ASIC2: variants seen among roughly 807,000 people sequenced by gnomAD.
The protein encoded by ASIC2 is acid sensing ion channel subunit 2.
A neutral mutation model predicts 57.3 loss-of-function variants in ASIC2; 25 were observed. The ratio of observed to expected loss-of-function variants is 0.44; its 90% CI spans 0.32 to 0.61. ASIC2 has a LOEUF of 0.61. Ranked by LOEUF, ASIC2 falls within the 20% of genes least tolerant of loss-of-function variation. The probability of loss-of-function intolerance (pLI) is 0.06; values close to 1 mark genes in which losing one functional copy is unlikely to be tolerated. For synonymous variants in ASIC2, 319 were observed against 307.5 expected (o/e 1.04, Z -0.39); for missense variants, 641 against 738.1 (o/e 0.87, Z 1.52).
intron 1 of ASIC2, among the ~76,000 whole-genome samples, chr17:33,875,749 A>C (rs1416063901): frequency 2.0e-5 from 3 of 152,054 alleles, no homozygotes; most frequent in Non-Finnish European, 4.4e-5. Context: ...CATTTCACTC[A>C]AGCCAAAGTG....
At chr17:33,643,575 G>A (rs1377657432) in intron 1 of ASIC2, among the ~76,000 whole-genome samples, 1 of 152,218 alleles carries the variant, frequency 6.6e-6, no homozygotes, top group Admixed American at 6.5e-5. Flanking sequence ...GGGCCAGGAG[G>A]TGGAATAGAT....
At chr17:33,161,857 G>GTTTTTTT (rs199823485) in intron 1 of ASIC2, among the ~76,000 whole-genome samples, 8 of 94,200 alleles carry the variant, frequency 8.5e-5, no homozygotes, top group Admixed American at 1.4e-4. Flanking sequence ...GAATTCCTAG[G>GTTTTTTT]TTTTTTTTTT....
At chr17:33,345,444 C>A (rs986986077) in intron 1 of ASIC2, among the ~76,000 whole-genome samples, 2 of 152,146 alleles carry the variant, frequency 1.3e-5, no homozygotes, top group Admixed American at 6.5e-5. Context: ...GGGGCCTATG[C>A]CTCTTCTTGG....
intron 1 of ASIC2, among the ~76,000 whole-genome samples, chr17:33,650,999 A>G (rs962244571): frequency 2.6e-5 from 4 of 152,242 alleles, no homozygotes; most frequent in African/African-American, 7.2e-5. Flanking sequence ...AAAGGCATAC[A>G]GGATCTCTCT....
intron 1 of ASIC2, among the ~76,000 whole-genome samples, chr17:33,677,444 A>G (rs1907860957): frequency 6.6e-6 from 1 of 152,370 alleles, no homozygotes; most frequent in African/African-American, 2.4e-5. Context: ...TATATTTTAT[A>G]AAGCTATAGC....
At chr17:33,677,745 G>A (rs1345541572) in intron 1 of ASIC2, among the ~76,000 whole-genome samples, 2 of 152,206 alleles carry the variant, frequency 1.3e-5, no homozygotes, top group Admixed American at 1.3e-4. Flanking sequence ...GAAAAAACTG[G>A]AACAGATGAA....
At chr17:34,072,856 T>C (rs1049438093) in intron 1 of ASIC2, among the ~76,000 whole-genome samples, 4 of 152,206 alleles carry the variant, frequency 2.6e-5, no homozygotes, top group Non-Finnish European at 5.9e-5. Context: ...GACGTTTAGG[T>C]TTCTTCCCAC....
chr17:33,698,639 A>G (rs1908603314), intron 1 of ASIC2, among the ~76,000 whole-genome samples: 2 of 152,174 alleles, frequency 1.3e-5, no homozygotes, highest in South Asian at 4.1e-4. Flanking sequence ...GTGAATAAGT[A>G]CTTGCCAGCC....
chr17:33,724,642 A>G (rs897231115), intron 1 of ASIC2, among the ~76,000 whole-genome samples: 4 of 152,220 alleles, frequency 2.6e-5, no homozygotes, highest in African/African-American at 9.6e-5. Context: ...GGCAGAATGC[A>G]GCAGCCAATT....
intron 1 of ASIC2, among the ~76,000 whole-genome samples, chr17:33,263,379 T>G (rs1597656426): frequency 6.6e-6 from 1 of 152,056 alleles, no homozygotes; most frequent in Middle Eastern, 3.5e-3. Flanking sequence ...GGGTTTTTTA[T>G]GTTTTGATTA....
chr17:33,565,130 C>T (rs1367505885), intron 1 of ASIC2, among the ~76,000 whole-genome samples: 4 of 152,132 alleles, frequency 2.6e-5, no homozygotes, highest in Admixed American at 1.3e-4. Context: ...AGGGTCTCCC[C>T]GACTGAGTTG....
At chr17:33,526,277 G>A (rs1914882871) in intron 1 of ASIC2, among the ~76,000 whole-genome samples, 1 of 152,130 alleles carries the variant, frequency 6.6e-6, no homozygotes, top group Non-Finnish European at 1.5e-5. Flanking sequence ...TTCTTGCAGG[G>A]CAGCAGAGGA....
chr17:33,731,142 A>G (rs1273370463), intron 1 of ASIC2, among the ~76,000 whole-genome samples: 1 of 152,222 alleles, frequency 6.6e-6, no homozygotes, highest in Non-Finnish European at 1.5e-5. Flanking sequence ...CCCTGTTTAT[A>G]TTCTCACACC....
At chr17:33,326,607 C>T (rs1167654430) in intron 1 of ASIC2, among the ~76,000 whole-genome samples, 1 of 152,236 alleles carries the variant, frequency 6.6e-6, no homozygotes, top group Non-Finnish European at 1.5e-5. Flanking sequence ...TGAATATACA[C>T]TTCTCAACCC....
At chr17:33,082,365 A>C (rs2092116272) in intron 3 of ASIC2, among the ~76,000 whole-genome samples, 1 of 152,158 alleles carries the variant, frequency 6.6e-6, no homozygotes, top group African/African-American at 2.4e-5. Context: ...GGCTCTTTGA[A>C]GAGAGGGTGG....
chr17:33,838,048 T>A (rs914778986), intron 1 of ASIC2, among the ~76,000 whole-genome samples: 1 of 152,186 alleles, frequency 6.6e-6, no homozygotes, highest in African/African-American at 2.4e-5. Flanking sequence ...AGCATATATG[T>A]CCTTTGCTCC....
At chr17:33,834,361 G>T (rs1913207067) in intron 1 of ASIC2, 1 of 152,202 alleles carries the variant, frequency 6.6e-6, no homozygotes, top group African/African-American at 2.4e-5. Context: ...TCCAGGCAAG[G>T]TCCTTTTTTA....
chr17:34,060,855 AAT>A (rs1314756097), intron 1 of ASIC2, among the ~76,000 whole-genome samples: 1 of 152,114 alleles, frequency 6.6e-6, no homozygotes, highest in Non-Finnish European at 1.5e-5. Flanking sequence ...GATTATGTTA[AAT>A]GACCAAACCT....
intron 1 of ASIC2, among the ~76,000 whole-genome samples, chr17:33,226,569 G>A (rs576622734): frequency 6.6e-6 from 1 of 152,108 alleles, no homozygotes; most frequent in Admixed American, 6.5e-5. Context: ...AGTCACTCTC[G>A]TCATTTTTTT....
Sources: allele counts gnomAD v4.1 joint callset (sites outside exome capture counted in the v4.1 genomes callset), GRCh38; gene constraint gnomAD v4.1.1; transcripts MANE v1.5; gene names NCBI Gene and HGNC (gene_info 2026-07-23, HGNC 2026-07-21).